The following DOCK6 variants were observed in gnomAD, a reference collection of about 807,000 sequenced individuals.
DOCK6 encodes the protein dedicator of cytokinesis protein 6.
A neutral mutation model predicts 230.3 loss-of-function variants in DOCK6; 167 were observed. That is an observed-to-expected ratio of 0.73 (90% CI 0.64 to 0.82). DOCK6 has a LOEUF of 0.82. Among genes scored for constraint, DOCK6 ranks in the 40% least tolerant of loss-of-function variants. DOCK6 has a pLI of 0.00. For synonymous variants in DOCK6, 1,148 were observed against 1,185.0 expected (o/e 0.97, Z 0.64); for missense variants, 2,598 against 2,825.8 (o/e 0.92, Z 1.83).
At chr19:11,218,043 G>T (rs2079522232) in intron 28 of DOCK6, among the ~76,000 whole-genome samples, 1 of 151,874 alleles carries the variant, frequency 6.6e-6, no homozygotes, top group Admixed American at 6.6e-5. Flanking sequence ...GTAGAGACGG[G>T]GTTTCACCAT....
intron 1 of DOCK6, among the ~76,000 whole-genome samples, chr19:11,260,885 A>AAAAAAAAAAAGAAAAAG (rs2080274713): frequency 7.9e-6 from 1 of 127,254 alleles, no homozygotes; most frequent in Non-Finnish European, 1.6e-5. Context: ...TCTGTCTCAA[A>AAAAAAAAAAAGAAAAAG]AAAAAAAAAA....
chr19:11,236,404 G>T lies in DOCK6; in HGVS notation c.2334C>A (p.His778Gln). 6.3e-7 allele frequency: 1 copy of T among 1,588,002 alleles called. No individual in the cohort carries two copies. The highest frequency in any genetic ancestry group is 2.3e-5 in the East Asian group (1 of 43,430). Residue 778 changes from histidine (H) to glutamine (Q), a missense_variant, in exon 20 of 48, where the codon CAC (histidine) becomes CAA (glutamine). By Grantham distance (24) the His-to-Gln change is conservative. Coordinates refer to ENST00000294618, the MANE Select transcript of DOCK6 (RefSeq NM_020812.4). This position sits in a 1 kb window ranked among gnomAD's most constrained non-coding sequence, Gnocchi z 5.2. ...CCAGACGCACGAGCTTGTCCAGCAC[G>T]TGGTGGGAGAAGGCCACAAGGGGTT... is the stretch of plus-strand genomic sequence containing the variant. ...SPEPLVAFSH[H>Q]VLDKLVRLVI... is the part of the protein sequence containing the mutation.
At chr19:11,252,629 C>T in intron 3 of DOCK6, 79 bp from the exon 4 acceptor site, 3 of 1,599,768 alleles carry the variant, frequency 1.9e-6, no homozygotes, top group Non-Finnish European at 2.6e-6. Flanking sequence ...TTAGCACTGT[C>T]CTGCCTATTC....
chr19:11,224,920 C>T (rs986714664), intron 24 of DOCK6, among the ~76,000 whole-genome samples: 4 of 151,966 alleles, frequency 2.6e-5, no homozygotes, highest in African/African-American at 9.7e-5. Context: ...AAAAATTAGC[C>T]AGGGGTGGTG....
intron 1 of DOCK6, 174 bp from the exon 2 acceptor site, chr19:11,253,900 T>G: frequency 2.5e-5 from 13 of 519,300 alleles, no homozygotes; most frequent in East Asian, 1.1e-4. Flanking sequence ...CCCCAACGCG[T>G]TCCCCATCAA....
rs2079428012 is a variant in DOCK6 at position 11,213,437 on chromosome 19, T to G, written c.4339-109A>C. 37 of 1,452,190 alleles carry G rather than the reference T, an allele frequency of 2.5e-5. No individual in the cohort carries two copies. In the South Asian group the frequency reaches 4.5e-4, roughly 18 times the overall value. 90.0% of individuals were successfully genotyped at this position (1,452,190 alleles called of 1,614,324 possible). ...GGGCAGGGGTTTGTGTTCTGTCCTCTTTGGCCAAGTACCACTGGGTTCGGA... is the reference window on the plus strand; with the variant it reads ...GGGCAGGGGTTTGTGTTCTGTCCTCGTTGGCCAAGTACCACTGGGTTCGGA... On this transcript the variant is annotated intron_variant, in intron 34 of 47. Transcript: ENST00000294618.
intron 35 of DOCK6, among the ~76,000 whole-genome samples, chr19:11,212,865 C>CTTT (rs34049310): frequency 3.5e-4 from 37 of 104,462 alleles, no homozygotes; most frequent in East Asian, 8.3e-4. Context: ...GTGCCTGGCC[C>CTTT]TTTTTTTTTT....
intron 24 of DOCK6, among the ~76,000 whole-genome samples, chr19:11,223,858 G>T (rs2079620170): frequency 6.6e-6 from 1 of 152,052 alleles, no homozygotes; most frequent in Non-Finnish European, 1.5e-5. Flanking sequence ...TATTGGTCAG[G>T]CTGGTCTCGA....
At chr19:11,228,670 C>T (rs562941162) in intron 23 of DOCK6, among the ~76,000 whole-genome samples, 3 of 151,484 alleles carry the variant, frequency 2.0e-5, no homozygotes, top group Non-Finnish European at 2.9e-5. Context: ...CGCCATTCTT[C>T]TGCCTCAGCC....
At chr19:11,214,223 C>T in intron 34 of DOCK6, 52 bp downstream of exon 34, 1 of 1,543,842 alleles carries the variant, frequency 6.5e-7, no homozygotes, top group Non-Finnish European at 8.8e-7. Flanking sequence ...CTGTGCTCAG[C>T]CTAGAGCTGC....
At chr19:11,214,499 C>A in intron 33 of DOCK6, 54 bp downstream of exon 33, 1 of 1,613,090 alleles carries the variant, frequency 6.2e-7, no homozygotes, top group East Asian at 2.2e-5. Flanking sequence ...TCAGAGACCA[C>A]AGGGCACTGC....
intron 1 of DOCK6, among the ~76,000 whole-genome samples, chr19:11,260,798 G>A (rs1321145755): frequency 4.1e-5 from 6 of 147,220 alleles, no homozygotes; most frequent in African/African-American, 1.0e-4. Context: ...CACAAGAATC[G>A]CTTGAACCCA....
At position 11,252,199 on chromosome 19, in the gene DOCK6, G is replaced by A. The variant is rs868547243; in HGVS notation, c.427C>T (p.Arg143Trp). Reference protein sequence around the residue: ...AYSPVTTDTQRERQKGLPRQV... With the variant: ...AYSPVTTDTQWERQKGLPRQV... ...CGGGGGAGGCCCTTCTGTCGCTCCC[G>A]CTGTGTGTCTGTGGTGACGGGGCTG... The change falls in exon 5 of 48, where the codon CGG becomes TGG. Residue 143 changes from arginine to tryptophan, a missense_variant. By Grantham distance (101) the Arg-to-Trp change is moderately radical. Transcript: ENST00000294618. 5.1e-6 allele frequency: 8 copies of A among 1,582,554 alleles called. No individual in the cohort carries two copies. Among genetic ancestry groups the A allele is most frequent in the East Asian group, 4.6e-5 (2 of 43,406 alleles).
At chr19:11,241,479 C>A in intron 14 of DOCK6, 1 of 1,552,100 alleles carries the variant, frequency 6.4e-7, no homozygotes, top group Non-Finnish European at 8.7e-7. Context: ...ATCCTATGGG[C>A]CCTCACAGGC....
chr19:11,215,054 T>G (rs2079459354), intron 32 of DOCK6, among the ~76,000 whole-genome samples: 1 of 151,800 alleles, frequency 6.6e-6, no homozygotes. Context: ...ACCATTCTCC[T>G]GCCTCAGCCT....
intron 20 of DOCK6, 191 bp from the exon 21 acceptor site, chr19:11,235,950 G>A (rs749868144): frequency 4.3e-5 from 30 of 695,288 alleles, no homozygotes; most frequent in African/African-American, 1.1e-4. Flanking sequence ...GCATGATCTC[G>A]GCTCACTGTC....
intron 13 of DOCK6, 80 bp downstream of exon 13, chr19:11,242,979 C>A: frequency 6.5e-7 from 1 of 1,534,378 alleles, no homozygotes; most frequent in Non-Finnish European, 9.0e-7. Flanking sequence ...ATGCCCCTGG[C>A]ACAGTAGGTG....
At chr19:11,241,830 G>A (rs2079950930) in intron 14 of DOCK6, 15 of 1,412,888 alleles carry the variant, frequency 1.1e-5, no homozygotes, top group Non-Finnish European at 1.5e-5. Context: ...AGCAGAGACA[G>A]ACGCAGGCGG....
intron 39 of DOCK6, among the ~76,000 whole-genome samples, chr19:11,207,862 C>T (rs557771323): frequency 3.3e-5 from 5 of 151,946 alleles, no homozygotes; most frequent in South Asian, 4.2e-4. Flanking sequence ...CCCTGGAGGC[C>T]GAGGTTGTAG....
Sources: allele counts gnomAD v4.1 joint callset (sites outside exome capture counted in the v4.1 genomes callset), GRCh38; gene constraint gnomAD v4.1.1; non-coding constraint Gnocchi (gnomAD v3.1); transcripts MANE v1.5; gene names NCBI Gene and HGNC (gene_info 2026-07-23, HGNC 2026-07-21).